The following ALK variants were observed in gnomAD, a reference collection of about 807,000 sequenced individuals.
ALK encodes the protein ALK tyrosine kinase receptor.
ALK carries 74 observed loss-of-function variants against 163.1 expected under a neutral mutation model. The ratio of observed to expected loss-of-function variants is 0.45; its 90% CI spans 0.38 to 0.55. ALK has a LOEUF of 0.55. ALK is among the 20% of genes least tolerant of loss of function. ALK has a pLI of 0.00. For synonymous variants in ALK, 960 were observed against 843.2 expected (o/e 1.14, Z -2.40); for missense variants, 2,063 against 2,105.3 (o/e 0.98, Z 0.39).
intron 19 of ALK, among the ~76,000 whole-genome samples, chr2:29,224,166 G>T (rs1160996471): frequency 1.3e-5 from 2 of 152,188 alleles, no homozygotes; most frequent in Non-Finnish European, 2.9e-5. Flanking sequence ...TGGGATCTTG[G>T]TCAGTTGTGT....
intron 2 of ALK, among the ~76,000 whole-genome samples, chr2:29,704,556 A>AT (rs1403973899): frequency 6.6e-6 from 1 of 152,138 alleles, no homozygotes; most frequent in Non-Finnish European, 1.5e-5. Flanking sequence ...GAAAAATCCT[A>AT]TTTTTTTCTT....
chr2:29,764,986 G>A (rs973129549), intron 1 of ALK, among the ~76,000 whole-genome samples: 4 of 152,112 alleles, frequency 2.6e-5, no homozygotes, highest in Non-Finnish European at 5.9e-5. Flanking sequence ...TGGTGGTTTA[G>A]AAAGGTGGGT....
At chr2:29,735,236 TAAC>T (rs1020536055) in intron 1 of ALK, among the ~76,000 whole-genome samples, 11 of 152,046 alleles carry the variant, frequency 7.2e-5, no homozygotes, top group African/African-American at 2.7e-4. Context: ...CTGTTTAGAA[TAAC>T]AACAATGCAT....
In ALK at chr2:29,358,056, A is replaced by G. The variant is rs138229847; in HGVS notation, c.1282+25676T>C. Among the ~76,000 whole-genome samples, 655 of 152,368 alleles carry G rather than the reference A, an allele frequency of 4.3e-3. 4 individuals are homozygous for G. Among genetic ancestry groups the G allele is most frequent in the Non-Finnish European group, 7.8e-3 (532 of 68,038 alleles). Reference sequence around the variant, plus strand: ...ACTTGACCAAGTTTTCACAGATGGTAAACAGCAGAAAGGAGACTCGAGCCC... The same window carrying G: ...ACTTGACCAAGTTTTCACAGATGGTGAACAGCAGAAAGGAGACTCGAGCCC... On this transcript the variant is annotated intron_variant, in intron 5 of 28. Transcript: ENST00000389048.
At chr2:29,308,863 G>A (rs996182189) in intron 8 of ALK, among the ~76,000 whole-genome samples, 3 of 151,894 alleles carry the variant, frequency 2.0e-5, no homozygotes, top group Admixed American at 1.3e-4. Flanking sequence ...AACAGACTAC[G>A]ACAGGGTGAA....
intron 1 of ALK, among the ~76,000 whole-genome samples, chr2:29,745,760 G>A (rs72786232): frequency 0.016 from 2,440 of 152,218 alleles, 27 homozygotes; most frequent in Non-Finnish European, 0.024. Context: ...AATTACACAC[G>A]GGCTTAGTCA....
intron 26 of ALK, among the ~76,000 whole-genome samples, chr2:29,205,131 C>T (rs1277436509): frequency 6.6e-6 from 1 of 152,146 alleles, no homozygotes. Flanking sequence ...ACCTTTTGTC[C>T]TCCATTTATG....
intron 4 of ALK, among the ~76,000 whole-genome samples, chr2:29,386,246 T>C (rs1215384238): frequency 1.3e-5 from 2 of 152,172 alleles, no homozygotes; most frequent in South Asian, 2.1e-4. Context: ...TTAATAAAAG[T>C]GTATTGAGTT....
chr2:29,458,989 T>C (rs1425253425), intron 4 of ALK, among the ~76,000 whole-genome samples: 2 of 152,160 alleles, frequency 1.3e-5, no homozygotes, highest in Non-Finnish European at 1.5e-5. Flanking sequence ...AATAGGCTTA[T>C]AGGTCACTTG....
In ALK at chr2:29,193,533, C is replaced by A. The variant is rs774746810; in HGVS notation, c.4554G>T (p.Lys1518Asn). The change falls in exon 29 of 29, where the codon AAG becomes AAT. Residue 1518 changes from lysine (K) to asparagine (N), a missense_variant. Transcript: ENST00000389048. Reference sequence around the variant, plus strand: ...GCTCCTTCTTTGCTATAGGATTATTCTTTTTGGTGGGTTTCTCTGTAAACC... The same window carrying A: ...GCTCCTTCTTTGCTATAGGATTATTATTTTTGGTGGGTTTCTCTGTAAACC... ...GSWFTEKPTK[K>N]NNPIAKKEPH... 5.0e-6 allele frequency: 8 copies of A among 1,614,184 alleles called. No homozygotes were observed. The highest frequency in any genetic ancestry group is 1.6e-4 in the Middle Eastern group (1 of 6,062).
chr2:29,471,775 C>T (rs1159767546), intron 4 of ALK, among the ~76,000 whole-genome samples: 3 of 149,844 alleles, frequency 2.0e-5, no homozygotes, highest in African/African-American at 7.4e-5. Context: ...TTCATTCACT[C>T]TTGTTGCCCA....
intron 9 of ALK, among the ~76,000 whole-genome samples, chr2:29,295,989 TG>T (rs1666165608): frequency 6.6e-6 from 1 of 152,028 alleles, no homozygotes. Flanking sequence ...GTCACATGAG[TG>T]CTGCCATGCA....
At chr2:29,919,893 G>A (rs1667941208) in intron 1 of ALK, 100 bp downstream of exon 1, 51 of 1,425,176 alleles carry the variant, frequency 3.6e-5, no homozygotes, top group Non-Finnish European at 4.8e-5. Flanking sequence ...GCAGAGCTGA[G>A]GTTTTAGAAA....
Position 29,275,603 on chromosome 2 carries a change from T to C in ALK, c.1818-107A>G, listed in dbSNP as rs568197077. Reference sequence around the variant, plus strand: ...GATCACCTGGCTCAGAATGTGAGTTTGAAAAAGGCTCGCTAATCCCAGAGC... The same window carrying C: ...GATCACCTGGCTCAGAATGTGAGTTCGAAAAAGGCTCGCTAATCCCAGAGC... On this transcript the variant is annotated intron_variant, in intron 9 of 28. Transcript: ENST00000389048. 52 of 1,148,936 alleles carry C rather than the reference T, an allele frequency of 4.5e-5. No individual in the cohort carries two copies. The African/African-American group carries it at 7.3e-4, about 16-fold the overall frequency. The allele number at this position is 1,148,936 out of a possible 1,614,324, so 71.2% of individuals were successfully genotyped here. A position where few individuals can be genotyped will look rare whatever the true frequency, so the allele number is the denominator to read the frequency against.
At chr2:29,701,677 G>A (rs1304925161) in intron 2 of ALK, among the ~76,000 whole-genome samples, 7 of 152,280 alleles carry the variant, frequency 4.6e-5, no homozygotes, top group South Asian at 2.1e-4. Context: ...CTGTGAAGGC[G>A]TGTGGGAAGT....
intron 1 of ALK, among the ~76,000 whole-genome samples, chr2:29,719,306 T>C (rs1188969974): frequency 3.3e-5 from 5 of 152,242 alleles, no homozygotes; most frequent in African/African-American, 1.2e-4. Flanking sequence ...CTGAATTGAT[T>C]TGTGCCAGGT....
intron 5 of ALK, among the ~76,000 whole-genome samples, chr2:29,379,547 A>G (rs1464775801): frequency 3.9e-5 from 6 of 152,232 alleles, no homozygotes; most frequent in South Asian, 2.1e-4. Context: ...ATTTAGATGT[A>G]GAGTATAAAG....
At chr2:29,320,002 C>T (rs1461491376) in intron 7 of ALK, among the ~76,000 whole-genome samples, 1 of 152,234 alleles carries the variant, frequency 6.6e-6, no homozygotes, top group Non-Finnish European at 1.5e-5. Flanking sequence ...CCGGGTCCCA[C>T]CACTAGGGAC....
chr2:29,266,840 A>C (rs1189960889), intron 11 of ALK, among the ~76,000 whole-genome samples: 1 of 152,184 alleles, frequency 6.6e-6, no homozygotes, highest in African/African-American at 2.4e-5. Context: ...GCCCATCAGA[A>C]TCCCCACTGG....
Sources: allele counts gnomAD v4.1 joint callset (sites outside exome capture counted in the v4.1 genomes callset), GRCh38; gene constraint gnomAD v4.1.1; transcripts MANE v1.5; gene names NCBI Gene and HGNC (gene_info 2026-07-23, HGNC 2026-07-21).